The following COL17A1 variants were observed in gnomAD, a reference collection of about 807,000 sequenced individuals.
COL17A1 encodes the protein collagen type XVII alpha 1 chain.
Under a neutral mutation model 218.4 loss-of-function variants are expected in COL17A1, and 181 were observed. The observed-to-expected ratio is 0.83, with a 90% confidence interval of 0.73 to 0.94. The LOEUF (loss-of-function observed/expected upper bound fraction) is 0.94. Among genes scored for constraint, COL17A1 ranks in the 40% least tolerant of loss-of-function variants. COL17A1 has a pLI of 0.00. For synonymous variants in COL17A1, 721 were observed against 731.0 expected, an observed-to-expected ratio of 0.99 and a Z score of 0.22; for missense variants, 1,924 against 1,945.9, an observed-to-expected ratio of 0.99 and a Z score of 0.21.
intron 9 of COL17A1, among the ~76,000 whole-genome samples, chr10:104,066,457 A>T (rs1281763283): frequency 1.1e-4 from 16 of 152,198 alleles, no homozygotes; most frequent in Admixed American, 1.0e-3. Flanking sequence ...TCAGACGAGG[A>T]TTGGGTGTGC....
chr10:104,083,036 C>T (rs189064704), intron 1 of COL17A1, among the ~76,000 whole-genome samples: 103 of 152,324 alleles, frequency 6.8e-4, no homozygotes, highest in African/African-American at 2.4e-3. Flanking sequence ...GTGTGTTCCA[C>T]AGCCAATCTG....
intron 29 of COL17A1, 78 bp from the exon 30 acceptor site, chr10:104,048,182 C>T (rs1316206815): frequency 3.3e-6 from 5 of 1,514,516 alleles, no homozygotes; most frequent in African/African-American, 1.4e-5. Context: ...TCCCAGTGGC[C>T]TTGAAGCACA....
intron 9 of COL17A1, among the ~76,000 whole-genome samples, chr10:104,065,069 G>T (rs570054516): frequency 6.6e-6 from 1 of 152,266 alleles, no homozygotes; most frequent in South Asian, 2.1e-4. Flanking sequence ...GGAGTCCTTG[G>T]TCTGGGGCCA....
intron 10 of COL17A1, 28 bp downstream of exon 10, chr10:104,064,410 G>A (rs551885835): frequency 1.9e-6 from 3 of 1,613,828 alleles, no homozygotes; most frequent in Non-Finnish European, 1.7e-6. Context: ...TCAGGGGTGA[G>A]AGAGGGTGTG....
intron 15 of COL17A1, 64 bp from the exon 16 acceptor site, chr10:104,058,254 A>G: frequency 1.2e-6 from 2 of 1,607,682 alleles, no homozygotes; most frequent in South Asian, 2.2e-5. Context: ...CTGCCTATGG[A>G]GTAGCCATTT....
At position 104,035,263 on chromosome 10, in the gene COL17A1, T is replaced by C; in HGVS notation, c.3619A>G (p.Thr1207Ala). 6.2e-7 allele frequency: 1 copy of C among 1,612,658 alleles called. No homozygotes were observed. Among genetic ancestry groups the C allele is most frequent in the Non-Finnish European group, 8.5e-7 (1 of 1,179,288 alleles). Residue 1207 changes from threonine to alanine, a missense_variant and splice_region_variant, in exon 50 of 56, where the codon ACT (threonine) becomes GCT (alanine). Coordinates refer to ENST00000648076, the MANE Select transcript of COL17A1 (RefSeq NM_000494.4). ...CCCATCCCACTCCACAGTGCCCTAC[T>C]ATGTAAGTAAGACGAGAGGTCCTCC... The part of the protein sequence containing the change: ...SVEDLSSYLH[T>A]AGLSFIPGPP...
chr10:104,040,919 G>T, intron 39 of COL17A1, 146 bp downstream of exon 39: 1 of 933,362 alleles, frequency 1.1e-6, no homozygotes, highest in Non-Finnish European at 1.7e-6. Context: ...TGTGCAGCAA[G>T]CAGGAAGATT....
rs374253150 is a variant in COL17A1 at position 104,076,278 on chromosome 10, T to A, written c.331+23A>T. 1.9e-5 allele frequency: 31 copies of A among 1,613,796 alleles called. No homozygotes were observed. The African/African-American group carries it at 3.5e-4, about 18-fold the overall frequency. ...TGCTTGGGGAAGAGAATGGTTCTCT[T>A]GTATGGTTAGTGGGACTGATACCTT... On this transcript the variant is annotated intron_variant, in intron 5 of 55. Coordinates refer to ENST00000648076, the MANE Select transcript of COL17A1 (RefSeq NM_000494.4).
intron 13 of COL17A1, 23 bp from the exon 14 acceptor site, chr10:104,060,303 A>AG: frequency 6.2e-7 from 1 of 1,613,622 alleles, no homozygotes. Context: ...AAAATGGGTA[A>AG]GAAGGAAGGA....
In COL17A1 at chr10:104,034,150, A is replaced by T. The variant is rs747001313; in HGVS notation, c.3951T>A (p.Gly1317=). 3 of 1,613,788 alleles carry T rather than the reference A, an allele frequency of 1.9e-6. No homozygotes were observed. The highest frequency in any genetic ancestry group is 2.5e-6 in the Non-Finnish European group (3 of 1,179,978). ...CACCGCCTGCACCCAGGGAGCCTGCACCACCTCCTCCTGTGCTCATGGAAG... is the reference window on the plus strand; with the variant it reads ...CACCGCCTGCACCCAGGGAGCCTGCTCCACCTCCTCCTGTGCTCATGGAAG... ...YSSSMSTGGG[G]AGSLGAGGAF... is the part of the protein sequence containing the mutation. The change falls in exon 52 of 56, where the codon GGT becomes GGA. Residue 1317 remains glycine (G), a synonymous_variant. Coordinates refer to ENST00000648076, the MANE Select transcript of COL17A1 (RefSeq NM_000494.4).
At chr10:104,082,048 A>G (rs1377596399) in intron 1 of COL17A1, among the ~76,000 whole-genome samples, 1 of 152,192 alleles carries the variant, frequency 6.6e-6, no homozygotes, top group Non-Finnish European at 1.5e-5. Flanking sequence ...CTGATCAACG[A>G]TCTGGTGGAG....
intron 4 of COL17A1, 140 bp downstream of exon 4, chr10:104,077,282 T>C (rs1210776941): frequency 1.4e-6 from 1 of 734,236 alleles, no homozygotes; most frequent in East Asian, 2.7e-5. Context: ...GGATTTGGAA[T>C]GGATGACAGG....
intron 9 of COL17A1, among the ~76,000 whole-genome samples, chr10:104,067,954 G>A (rs1433168546): frequency 6.6e-6 from 1 of 152,156 alleles, no homozygotes; most frequent in East Asian, 1.9e-4. Context: ...GGAAAAAAGA[G>A]TACAAGAGGA....
chr10:104,050,187 C>T (rs2134604940), intron 27 of COL17A1, 63 bp from the exon 28 acceptor site: 1 of 1,610,500 alleles, frequency 6.2e-7, no homozygotes. Flanking sequence ...CACTCTCACC[C>T]AGTAACAGGG....
At chr10:104,071,063 A>C (rs886475759) in intron 8 of COL17A1, among the ~76,000 whole-genome samples, 6 of 152,176 alleles carry the variant, frequency 3.9e-5, no homozygotes, top group African/African-American at 1.4e-4. Flanking sequence ...ATTTAATTTC[A>C]AGTCTATCTG....
Position 104,080,617 on chromosome 10 carries a change from C to G in COL17A1, c.52+5G>C, listed in dbSNP as rs754104299. ...ACATAAATTAAAAAATTCTGATGCT[C>G]TTACTTCTCTCAGTGACTTCAGTTC... On this transcript the variant is annotated splice_donor_5th_base_variant and intron_variant, in intron 2 of 55. Transcript: ENST00000648076. 16 of 1,612,532 alleles carry G rather than the reference C, an allele frequency of 9.9e-6. No homozygotes were observed. Among genetic ancestry groups the G allele is most frequent in the Non-Finnish European group, 1.4e-5 (16 of 1,179,936 alleles).
chr10:104,032,571 T>C, intron 55 of COL17A1, 103 bp downstream of exon 55: 2 of 1,284,248 alleles, frequency 1.6e-6, no homozygotes, highest in South Asian at 1.2e-5. Context: ...GGCATTTGCC[T>C]GAATTTCTCA....
chr10:104,070,401 C>T (rs371642537), intron 9 of COL17A1, 25 bp downstream of exon 9: 32 of 1,612,534 alleles, frequency 2.0e-5, no homozygotes, highest in South Asian at 1.2e-4. Flanking sequence ...TCACACTCCT[C>T]GGCAGCCTGG....
rs764856180 is a variant in COL17A1, at chr10:104,064,612, T to A, written c.608-16A>T. On this transcript the variant is annotated splice_polypyrimidine_tract_variant and intron_variant, in intron 9 of 55. Coordinates refer to ENST00000648076, the MANE Select transcript of COL17A1 (RefSeq NM_000494.4). ...GTGCCTGACACTGGAAACAGACACA[T>A]GCACACACCCCAGTGAGAGACAAAT... The A allele has an allele frequency of 1.2e-6, 2 of 1,607,680 alleles. No homozygotes were observed. The highest frequency in any genetic ancestry group is 1.7e-6 in the Non-Finnish European group (2 of 1,175,962).
Sources: gnomAD v4.1 joint callset for allele counts (sites outside exome capture counted in the v4.1 genomes callset) on GRCh38, gnomAD v4.1.1 for gene constraint, MANE v1.5 for transcripts, NCBI Gene and HGNC (gene_info 2026-07-23, HGNC 2026-07-21) for gene names.